SLC22A25: variants seen among roughly 807,000 people sequenced by gnomAD.
SLC22A25 encodes MGI:2442751, MGI:2385316, MGI:3042283, MGI:3645714, MGI:3605624, MGI:2442750.
In SLC22A25, 44 loss-of-function variants were observed where a neutral mutation model predicts 45.9. The observed-to-expected ratio is 0.96, with a 90% CI of 0.75 to 1.23. SLC22A25 has a LOEUF of 1.23. Ranked by LOEUF, SLC22A25 falls within the 50% of genes most tolerant of loss-of-function variation. SLC22A25 has a pLI of 0.00. For missense variants in SLC22A25, 800 were observed against 666.4 expected, an observed-to-expected ratio of 1.20 and a Z score of -2.21; for synonymous variants, 283 against 238.6, an observed-to-expected ratio of 1.19 and a Z score of -1.72.
At chr11:63,217,187 T>G in intron 7 of SLC22A25, 127 bp downstream of exon 7, 1 of 995,810 alleles carries the variant, frequency 1.0e-6, no homozygotes, top group Non-Finnish European at 1.4e-6. Flanking sequence ...TTGAATTGCA[T>G]ATTTAGCACA....
intron 7 of SLC22A25, among the ~76,000 whole-genome samples, chr11:63,191,837 T>A (rs199720694): frequency 1.3e-5 from 2 of 152,292 alleles, no homozygotes; most frequent in East Asian, 3.9e-4. Context: ...AGAGACTGAA[T>A]CTACAACTGA....
intron 7 of SLC22A25, among the ~76,000 whole-genome samples, chr11:63,210,274 G>A (rs541649548): frequency 1.6e-4 from 25 of 152,118 alleles, no homozygotes; most frequent in African/African-American, 5.3e-4. Flanking sequence ...TACATAAACC[G>A]GGAAGAAAGG....
At chr11:63,225,895 T>A (rs55889421) in intron 5 of SLC22A25, among the ~76,000 whole-genome samples, 3,877 of 152,200 alleles carry the variant, frequency 0.025, 68 homozygotes, top group Middle Eastern at 0.051. Flanking sequence ...TTCTTTCTTC[T>A]GCTTGATCAA....
At chr11:63,220,159 GC>G in intron 5 of SLC22A25, 1 of 413,054 alleles carries the variant, frequency 2.4e-6, no homozygotes, top group Non-Finnish European at 4.1e-6. Flanking sequence ...AGCTGTTTTT[GC>G]AAAGACAAAA....
rs201794592 is a variant in SLC22A25 at position 63,166,102 on chromosome 11, C to A, written c.1227G>T (p.Gln409His). ...ALNHMSRRLSQMLLMFLLATC... is the reference protein window; with the variant it reads ...ALNHMSRRLSHMLLMFLLATC... The stretch of plus-strand genomic sequence containing the variant: ...TTGCCAGTAGGAACATGAGAAGCAT[C>A]TGGCTTAGTCGACGGCTCATGTGAT... Residue 409 changes from glutamine (Q) to histidine (H), a missense_variant, in exon 10 of 12, where the codon CAG becomes CAT. Transcript: ENST00000306494. 18 of 1,614,030 alleles carry A rather than the reference C, an allele frequency of 1.1e-5. No individual in the cohort carries two copies. In the Admixed American group the frequency reaches 2.2e-4, roughly 19 times the overall value.
At chr11:63,234,964 C>CG (rs1411788784) in intron 3 of SLC22A25, among the ~76,000 whole-genome samples, 18 of 152,058 alleles carry the variant, frequency 1.2e-4, no homozygotes, top group African/African-American at 4.1e-4. Flanking sequence ...CGAATATTGG[C>CG]CCCCCCTCTC....
At chr11:63,241,497 A>G (rs1351996311) in intron 1 of SLC22A25, among the ~76,000 whole-genome samples, 1 of 151,960 alleles carries the variant, frequency 6.6e-6, no homozygotes, top group African/African-American at 2.4e-5. Flanking sequence ...CTATTATCCA[A>G]TCTTTCTGTT....
chr11:63,208,932 G>A (rs1040009244), intron 7 of SLC22A25, among the ~76,000 whole-genome samples: 3 of 152,134 alleles, frequency 2.0e-5, no homozygotes, highest in African/African-American at 4.8e-5. Context: ...GTGCCACAAG[G>A]GAGGAAATGG....
At chr11:63,164,416 A>T in intron 11 of SLC22A25, 110 bp downstream of exon 11, 1 of 974,646 alleles carries the variant, frequency 1.0e-6, no homozygotes, top group Non-Finnish European at 1.6e-6. Context: ...TGACTATTAC[A>T]TTTGATTGTT....
chr11:63,186,203 C>G (rs1447945781), intron 7 of SLC22A25, among the ~76,000 whole-genome samples: 2 of 125,808 alleles, frequency 1.6e-5, no homozygotes, highest in Non-Finnish European at 3.4e-5. Context: ...TCTCCAGCAC[C>G]TGTTGTTTCC....
At chr11:63,237,349 G>A (rs905607626) in intron 3 of SLC22A25, among the ~76,000 whole-genome samples, 3 of 152,170 alleles carry the variant, frequency 2.0e-5, no homozygotes, top group Admixed American at 6.5e-5. Context: ...CCTTTAAGAG[G>A]TGAATAGGTT....
intron 3 of SLC22A25, among the ~76,000 whole-genome samples, chr11:63,231,085 A>G (rs181792460): frequency 3.3e-5 from 5 of 152,298 alleles, no homozygotes; most frequent in African/African-American, 9.6e-5. Flanking sequence ...AGTCTTTGCT[A>G]TCGTGAATAG....
chr11:63,165,520 G>A (rs914005133), intron 10 of SLC22A25, among the ~76,000 whole-genome samples: 3 of 152,244 alleles, frequency 2.0e-5, no homozygotes, highest in African/African-American at 4.8e-5. Context: ...ATAAAGATAC[G>A]GGACTTTTGT....
chr11:63,236,629 C>T (rs574831881), intron 3 of SLC22A25, among the ~76,000 whole-genome samples: 6 of 152,114 alleles, frequency 3.9e-5, no homozygotes, highest in Admixed American at 6.5e-5. Context: ...GGCTCATGCA[C>T]GGTGTGCTGC....
At position 63,163,961 on chromosome 11, in the gene SLC22A25, C is replaced by T. The variant is rs746920270; in HGVS notation, c.1507G>A (p.Val503Ile). ...SRPLPWIIYG[V>I]FAILSGLVVL... ...ACAAGGCCAGAGAGGATGGCAAAGACTCCATAGATGATCCAGGGCAGGGGT... is the reference window on the plus strand; with the variant it reads ...ACAAGGCCAGAGAGGATGGCAAAGATTCCATAGATGATCCAGGGCAGGGGT... The change falls in exon 12 of 12, where the codon GTC becomes ATC. Residue 503 changes from valine (V) to isoleucine (I), a missense_variant. Coordinates refer to ENST00000306494, the MANE Select transcript of SLC22A25 (RefSeq NM_199352.6). The T allele has an allele frequency of 3.7e-6, 6 of 1,613,882 alleles. 1 individual carries two copies. In the East Asian group the frequency reaches 1.3e-4, roughly 36 times the overall value.
intron 8 of SLC22A25, among the ~76,000 whole-genome samples, chr11:63,182,233 G>A (rs761881634): frequency 6.6e-6 from 1 of 152,148 alleles, no homozygotes; most frequent in Non-Finnish European, 1.5e-5. Flanking sequence ...CCTTCCTCTG[G>A]GTGCTGAGGG....
chr11:63,188,715 G>T (rs546538818), intron 7 of SLC22A25, among the ~76,000 whole-genome samples: 21 of 152,156 alleles, frequency 1.4e-4, no homozygotes, highest in African/African-American at 4.8e-4. Flanking sequence ...ACACTGCTTT[G>T]AATGCGTCCC....
chr11:63,229,332 G>A lies in SLC22A25; in HGVS notation c.321C>T (p.Asn107=), dbSNP rs776971844. Residue 107 remains asparagine (N), a synonymous_variant, in exon 4 of 12, where the codon AAC becomes AAT. Coordinates refer to ENST00000306494, the MANE Select transcript of SLC22A25 (RefSeq NM_199352.6). The part of the protein sequence containing the change: ...KLIHLNGTFP[N]TSEPDTEPCV... Reference sequence around the variant, plus strand: ...AGGGCTCTGTATCTGGCTCACTCGTGTTGGGGAAGGTCCCATTCAGATGAA... The same window carrying A: ...AGGGCTCTGTATCTGGCTCACTCGTATTGGGGAAGGTCCCATTCAGATGAA... 15 of 1,612,998 alleles carry A rather than the reference G, an allele frequency of 9.3e-6. No individual in the cohort carries two copies. The highest frequency in any genetic ancestry group is 1.2e-5 in the Non-Finnish European group (14 of 1,179,406).
chr11:63,163,717 G>T lies in SLC22A25; in HGVS notation c.*107C>A. The stretch of plus-strand genomic sequence containing the variant: ...TGTATGAGGTCACTGTGGAAGGGAT[G>T]AGGATACACCAAAGGCAAAGGCACT... On this transcript the variant is annotated 3_prime_UTR_variant, in exon 12 of 12. Transcript: ENST00000306494. The T allele has an allele frequency of 6.9e-7, 1 of 1,438,920 alleles. No homozygotes were observed. The highest frequency in any genetic ancestry group is 9.3e-7 in the Non-Finnish European group (1 of 1,071,190). The allele number at this position is 1,438,920 out of a possible 1,614,324, so 89.1% of individuals were successfully genotyped here. A position where few individuals can be genotyped will look rare whatever the true frequency, so the allele number is the denominator to read the frequency against.
Sources: allele counts gnomAD v4.1 joint callset (sites outside exome capture counted in the v4.1 genomes callset), GRCh38; gene constraint gnomAD v4.1.1; transcripts MANE v1.5; gene names NCBI Gene and HGNC (gene_info 2026-07-23, HGNC 2026-07-21).